DPP6: variants seen among roughly 807,000 people sequenced by gnomAD.
DPP6 encodes the protein A-type potassium channel modulatory protein DPP6.
In DPP6, 69 loss-of-function variants were observed where a neutral mutation model predicts 122.6. The ratio of observed to expected loss-of-function variants is 0.56; its 90% CI spans 0.46 to 0.69. The LOEUF is 0.69. Among genes scored for constraint, DPP6 ranks in the 30% least tolerant of loss-of-function variants. DPP6 has a pLI of 0.00. For synonymous variants in DPP6, 418 were observed against 433.1 expected, an observed-to-expected ratio of 0.97 and a Z score of 0.43; for missense variants, 928 against 1,116.9, an observed-to-expected ratio of 0.83 and a Z score of 2.41.
intron 1 of DPP6, among the ~76,000 whole-genome samples, chr7:154,158,011 T>G (rs1796779802): frequency 1.3e-5 from 2 of 148,156 alleles, no homozygotes; most frequent in Non-Finnish European, 3.0e-5. Flanking sequence ...ACTAATTTAT[T>G]TAGATATTAT....
chr7:154,366,081 G>T (rs1433440992), intron 1 of DPP6, among the ~76,000 whole-genome samples: 1 of 152,088 alleles, frequency 6.6e-6, no homozygotes, highest in Non-Finnish European at 1.5e-5. Flanking sequence ...CACCTGGGGT[G>T]CTATCTTGTC....
intron 7 of DPP6, among the ~76,000 whole-genome samples, chr7:154,711,634 GTTCCAT>G (rs1357278055): frequency 1.5e-5 from 2 of 136,376 alleles, no homozygotes; most frequent in Non-Finnish European, 3.2e-5. Flanking sequence ...GGAATTCAGG[GTTCCAT>G]TTCAAGTCCA....
At chr7:153,748,959 C>T in the DPP6 span, among the ~76,000 whole-genome samples, 1 of 151,992 alleles carries the variant, frequency 6.6e-6, no homozygotes, top group African/African-American at 2.4e-5. Flanking sequence ...ATGAATCAAA[C>T]CGCAGGAGTC....
At chr7:154,445,442 A>T (rs1295158857) in intron 1 of DPP6, among the ~76,000 whole-genome samples, 2 of 152,178 alleles carry the variant, frequency 1.3e-5, no homozygotes, top group Non-Finnish European at 2.9e-5. Flanking sequence ...GGAACTGAAA[A>T]CTTGGTCTCA....
intron 16 of DPP6, among the ~76,000 whole-genome samples, chr7:154,810,631 CA>C (rs1323162933): frequency 1.3e-5 from 2 of 152,134 alleles, no homozygotes; most frequent in African/African-American, 4.8e-5. Flanking sequence ...AAGCAAAGAA[CA>C]AGTACAGCAA....
intron 1 of DPP6, among the ~76,000 whole-genome samples, chr7:154,230,256 C>G (rs1020031734): frequency 1.3e-4 from 20 of 152,088 alleles, no homozygotes; most frequent in Non-Finnish European, 2.5e-4. Context: ...GCTATGGCCC[C>G]CACTCTTAAT....
intron 18 of DPP6, among the ~76,000 whole-genome samples, chr7:154,871,072 A>G (rs890617920): frequency 4.6e-5 from 7 of 151,600 alleles, no homozygotes; most frequent in African/African-American, 1.7e-4. Flanking sequence ...GCTCCTCCGC[A>G]GCCTTGGCGG....
intron 1 of DPP6, among the ~76,000 whole-genome samples, chr7:154,367,044 C>T (rs779734422): frequency 6.6e-6 from 1 of 152,186 alleles, no homozygotes; most frequent in Non-Finnish European, 1.5e-5. Context: ...AGATGGCTCT[C>T]TTCCTTTCTT....
At chr7:154,412,426 T>A (rs1276120009) in intron 1 of DPP6, among the ~76,000 whole-genome samples, 1 of 152,086 alleles carries the variant, frequency 6.6e-6, no homozygotes, top group Non-Finnish European at 1.5e-5. Context: ...ATGCACGCAC[T>A]CTTTTGGGGT....
At chr7:154,420,284 C>T (rs1320420948) in intron 1 of DPP6, among the ~76,000 whole-genome samples, 4 of 152,076 alleles carry the variant, frequency 2.6e-5, no homozygotes, top group African/African-American at 4.8e-5. Context: ...TGTAGTCAGC[C>T]GAGATGGAGC....
the DPP6 span, among the ~76,000 whole-genome samples, chr7:153,859,010 C>T: frequency 6.6e-6 from 1 of 152,176 alleles, no homozygotes; most frequent in Non-Finnish European, 1.5e-5. Context: ...CATATGTCTT[C>T]AGCACTTCCC....
intron 7 of DPP6, among the ~76,000 whole-genome samples, chr7:154,676,105 G>A (rs1838880350): frequency 6.8e-6 from 1 of 147,100 alleles, no homozygotes; most frequent in African/African-American, 2.5e-5. Flanking sequence ...AGGTGTTCCG[G>A]GCTACAGCCT....
intron 16 of DPP6, among the ~76,000 whole-genome samples, chr7:154,822,974 T>C (rs1563250669): frequency 6.6e-6 from 1 of 152,300 alleles, no homozygotes; most frequent in Non-Finnish European, 1.5e-5. Context: ...ATTAGCATTT[T>C]TAAATGGATG....
At chr7:154,062,328 G>C (rs1218881780) in intron 1 of DPP6, among the ~76,000 whole-genome samples, 1 of 65,908 alleles carries the variant, frequency 1.5e-5, no homozygotes, top group Non-Finnish European at 3.0e-5. Flanking sequence ...CGCAGGAGGG[G>C]GAGGCACCCC....
chr7:154,516,060 A>T (rs1380452983), intron 3 of DPP6, among the ~76,000 whole-genome samples: 2 of 152,166 alleles, frequency 1.3e-5, no homozygotes, highest in South Asian at 4.1e-4. Flanking sequence ...TTTTCCTACA[A>T]ATAATCACTC....
At chr7:154,060,655 C>T (rs1448567127) in intron 1 of DPP6, among the ~76,000 whole-genome samples, 5,429 of 93,744 alleles carry the variant, frequency 0.058, 5 homozygotes, top group African/African-American at 0.13. Flanking sequence ...GCACCCCCCA[C>T]GAGAGTGGCG....
chr7:154,469,980 G>A (rs1215422724), intron 2 of DPP6, among the ~76,000 whole-genome samples: 3 of 152,184 alleles, frequency 2.0e-5, no homozygotes, highest in Admixed American at 6.5e-5. Context: ...TAATGGTACC[G>A]ACGTTGGAAA....
intron 3 of DPP6, among the ~76,000 whole-genome samples, chr7:154,514,113 A>G (rs1826302663): frequency 6.6e-6 from 1 of 152,062 alleles, no homozygotes; most frequent in African/African-American, 2.4e-5. Context: ...GTCTCTACTA[A>G]AATTCCAAAA....
intron 5 of DPP6, among the ~76,000 whole-genome samples, chr7:154,609,182 G>A (rs560195515): frequency 1.5e-4 from 23 of 152,130 alleles, no homozygotes; most frequent in African/African-American, 4.6e-4. Flanking sequence ...ACGTATTCTC[G>A]AACAGTTTCG....
Sources: gnomAD v4.1 joint callset for allele counts (sites outside exome capture counted in the v4.1 genomes callset) on GRCh38, gnomAD v4.1.1 for gene constraint, MANE v1.5 for transcripts, NCBI Gene and HGNC (gene_info 2026-07-23, HGNC 2026-07-21) for gene names.